MTUS1: variants seen among roughly 807,000 people sequenced by gnomAD.
MTUS1 encodes the protein microtubule-associated tumor suppressor 1.
MTUS1 carries 109 observed loss-of-function variants against 120.8 expected under a neutral mutation model. That is an observed-to-expected ratio of 0.90 (90% CI 0.77 to 1.06). The LOEUF is 1.06. Ranked by LOEUF, MTUS1 falls within the 50% of genes least tolerant of loss-of-function variation. MTUS1 has a pLI of 0.00. For synonymous variants in MTUS1, 737 were observed against 550.5 expected (o/e 1.34, Z -4.74); for missense variants, 2,210 against 1,486.3 (o/e 1.49, Z -8.01).
chr8:17,701,445 CT>C (rs1819062483), intron 6 of MTUS1, among the ~76,000 whole-genome samples: 1 of 152,170 alleles, frequency 6.6e-6, no homozygotes, highest in Non-Finnish European at 1.5e-5. Flanking sequence ...GTGACATTGC[CT>C]TTTATTTTGC....
chr8:17,649,886 A>G lies in MTUS1; in HGVS notation c.3461T>C (p.Leu1154Pro). Residue 1154 changes from leucine (L) to proline (P), a missense_variant, in exon 13 of 15, where the codon CTG (leucine) becomes CCG (proline). Leu to Pro is a moderately conservative substitution (Grantham distance 98, BLOSUM62 -3). Transcript: ENST00000693296. ...KAVLEIKNEK[L>P]HQQDIKLMKM... is the part of the protein sequence containing the mutation. ...CATTAACTTGATGTCCTGTTGATGC[A>G]GTTTCTCATTCTTGATCTCTAACAC... is the stretch of plus-strand genomic sequence containing the variant. The G allele has an allele frequency of 1.2e-6, 2 of 1,608,766 alleles. No individual in the cohort carries two copies. The highest frequency in any genetic ancestry group is 8.5e-7 in the Non-Finnish European group (1 of 1,175,372).
chr8:17,778,048 T>C (rs2050593302), intron 1 of MTUS1, among the ~76,000 whole-genome samples: 1 of 152,236 alleles, frequency 6.6e-6, no homozygotes, highest in Non-Finnish European at 1.5e-5. Context: ...TGTGGGTCAC[T>C]GATGCCATTT....
intron 3 of MTUS1, among the ~76,000 whole-genome samples, chr8:17,732,110 G>A (rs899357992): frequency 1.3e-5 from 2 of 152,216 alleles, no homozygotes; most frequent in South Asian, 2.1e-4. Context: ...CACAGGAAGT[G>A]GTGGGATGCA....
At chr8:17,703,826 G>T (rs535230881) in intron 6 of MTUS1, among the ~76,000 whole-genome samples, 2 of 152,156 alleles carry the variant, frequency 1.3e-5, no homozygotes, top group East Asian at 3.9e-4. Context: ...CCCTTATCAG[G>T]AGTTTCTGAT....
chr8:17,692,506 TAA>T (rs1817155374), intron 6 of MTUS1, among the ~76,000 whole-genome samples: 1 of 152,164 alleles, frequency 6.6e-6, no homozygotes, highest in Non-Finnish European at 1.5e-5. Context: ...TAATTCCATC[TAA>T]AAAGAGTCAA....
intron 1 of MTUS1, among the ~76,000 whole-genome samples, chr8:17,758,989 A>C (rs7463000): frequency 0.98 from 148,627 of 152,166 alleles, 72,680 homozygotes; most frequent in East Asian, 1. Flanking sequence ...TCAAGCGATT[A>C]CCCTGCCTCA....
At chr8:17,781,034 T>A (rs184889472) in intron 1 of MTUS1, 117 of 152,314 alleles carry the variant, frequency 7.7e-4, no homozygotes, top group African/African-American at 2.8e-3. Flanking sequence ...TCAACAGGTG[T>A]GCAAACAGAA....
chr8:17,682,638 G>C (rs543858026), intron 7 of MTUS1, among the ~76,000 whole-genome samples: 4 of 152,166 alleles, frequency 2.6e-5, no homozygotes, highest in African/African-American at 9.6e-5. Context: ...ACTGTGAAAT[G>C]AGAGTTCACA....
At chr8:17,767,977 G>A (rs1034167742) in intron 1 of MTUS1, among the ~76,000 whole-genome samples, 2 of 152,214 alleles carry the variant, frequency 1.3e-5, no homozygotes, top group African/African-American at 2.4e-5. Flanking sequence ...CGAGGCAAAG[G>A]AGAGGACAAG....
At chr8:17,752,947 A>G (rs2048309779) in intron 2 of MTUS1, among the ~76,000 whole-genome samples, 1 of 152,254 alleles carries the variant, frequency 6.6e-6, no homozygotes, top group African/African-American at 2.4e-5. Context: ...TCTCAAAAAC[A>G]CATGCATGTT....
At chr8:17,773,768 A>G (rs1312577663) in intron 1 of MTUS1, among the ~76,000 whole-genome samples, 1 of 152,154 alleles carries the variant, frequency 6.6e-6, no homozygotes, top group East Asian at 1.9e-4. Flanking sequence ...TTCAAATCAT[A>G]GCAATGGAGC....
At position 17,644,459 on chromosome 8, in the gene MTUS1, A is replaced by G. The variant is rs111754662; in HGVS notation, c.*1467T>C. ...TGCAGGGAGGGGGAGATAAAGCAAC[A>G]GTTCTTCCTTCCACCTTTTCCAAAG... On this transcript the variant is annotated 3_prime_UTR_variant, in exon 15 of 15. Coordinates refer to ENST00000693296, the MANE Select transcript of MTUS1 (RefSeq NM_001363059.2). The G allele has an allele frequency of 7.3e-3, 1,112 of 152,610 alleles. 9 individuals carry two copies. The highest frequency in any genetic ancestry group is 0.012 in the South Asian group (59 of 4,800). The allele number at this position is 152,610 out of a possible 1,614,324, so 9.5% of individuals were successfully genotyped here.
chr8:17,799,065 C>T (rs1292287198), intron 1 of MTUS1, among the ~76,000 whole-genome samples: 1 of 151,132 alleles, frequency 6.6e-6, no homozygotes, highest in Non-Finnish European at 1.5e-5. Context: ...GACAAGAATA[C>T]GGTAACACCA....
chr8:17,754,900 T>C lies in MTUS1; in HGVS notation c.908A>G (p.Asn303Ser), dbSNP rs374830258. The C allele has an allele frequency of 2.9e-4, 463 of 1,614,222 alleles. 3 individuals carry two copies. In the East Asian group the frequency reaches 3.8e-3, roughly 13 times the overall value. Residue 303 changes from asparagine (N) to serine (S), a missense_variant, in exon 2 of 15, where the codon AAT becomes AGT. Asn to Ser is a conservative substitution (Grantham distance 46, BLOSUM62 1). Coordinates refer to ENST00000693296, the MANE Select transcript of MTUS1 (RefSeq NM_001363059.2). Reference sequence around the variant, plus strand: ...AAAGAACTCTTGTAATGCAGAATCATTGGGGACTTCCATGCCATCAGAAAC... The same window carrying C: ...AAAGAACTCTTGTAATGCAGAATCACTGGGGACTTCCATGCCATCAGAAAC... ...TPVSDGMEVP[N>S]DSALQEFFCL... is the part of the protein sequence containing the mutation.
intron 6 of MTUS1, among the ~76,000 whole-genome samples, chr8:17,710,635 G>A (rs1821093441): frequency 6.6e-6 from 1 of 152,174 alleles, no homozygotes; most frequent in South Asian, 2.1e-4. Context: ...TCACGTTGGT[G>A]CTCTGACCTC....
At position 17,655,873 on chromosome 8, in the gene MTUS1, A is replaced by C. The variant is rs777338866; in HGVS notation, c.3098T>G (p.Leu1033Trp). 3.1e-6 allele frequency: 5 copies of C among 1,614,230 alleles called. No homozygotes were observed. Among genetic ancestry groups the C allele is most frequent in the Non-Finnish European group, 3.4e-6 (4 of 1,180,026 alleles). ...TGCAAAAGCACAGACCTGCTCTTGCAATTGCATTTTGTACTTCTCTGCTTC... is the reference window on the plus strand; with the variant it reads ...TGCAAAAGCACAGACCTGCTCTTGCCATTGCATTTTGTACTTCTCTGCTTC... ...IEEAEKYKMQ[L>W]QEQFDNLNAA... is the part of the protein sequence containing the mutation. The change falls in exon 9 of 15, where the codon TTG (leucine) becomes TGG (tryptophan). Residue 1033 changes from leucine to tryptophan, a missense_variant. Coordinates refer to ENST00000693296, the MANE Select transcript of MTUS1 (RefSeq NM_001363059.2).
intron 2 of MTUS1, among the ~76,000 whole-genome samples, chr8:17,752,518 G>C (rs1456638859): frequency 6.6e-6 from 1 of 152,200 alleles, no homozygotes; most frequent in Non-Finnish European, 1.5e-5. Context: ...CTTCCAAATA[G>C]AGAAGACTGG....
chr8:17,719,745 T>C lies in MTUS1; in HGVS notation c.2450-3844A>G, dbSNP rs145682291. On this transcript the variant is annotated intron_variant, in intron 4 of 14. Transcript: ENST00000693296. The stretch of plus-strand genomic sequence containing the variant: ...ACCAGTGTTGGCCACTAACCAGTGT[T>C]GGCAGGTGAGACAATATTCACTTCC... Among the ~76,000 whole-genome samples, 67 of 152,248 alleles carry C rather than the reference T, an allele frequency of 4.4e-4. 3 individuals carry two copies. The East Asian group carries it at 0.011, about 24-fold the overall frequency.
At chr8:17,674,531 A>G (rs1426914017) in intron 8 of MTUS1, 29 of 985,700 alleles carry the variant, frequency 2.9e-5, no homozygotes, top group Non-Finnish European at 3.4e-5. Context: ...CTAAAATAAC[A>G]GCGTAGCCTG....
Sources: allele counts gnomAD v4.1 joint callset (sites outside exome capture counted in the v4.1 genomes callset), GRCh38; gene constraint gnomAD v4.1.1; transcripts MANE v1.5; gene names NCBI Gene and HGNC (gene_info 2026-07-23, HGNC 2026-07-21).